Variants in EDIL3 observed in about 807,000 individuals in gnomAD.
EDIL3 encodes the protein EGF like and discoidin domains 3, also known as EGF-like repeat and discoidin I-like domain-containing protein 3.
In EDIL3, 37 loss-of-function variants were observed where a neutral mutation model predicts 67.4. The ratio of observed to expected loss-of-function variants is 0.55; its 90% CI spans 0.42 to 0.72. The LOEUF is 0.72. EDIL3 is among the 30% of genes least tolerant of loss of function. The probability of loss-of-function intolerance (pLI) is 0.00; values close to 1 mark genes in which losing one functional copy is unlikely to be tolerated. For missense variants in EDIL3, 527 were observed against 586.3 expected, an observed-to-expected ratio of 0.90 and a Z score of 1.04; for synonymous variants, 195 against 196.3, an observed-to-expected ratio of 0.99 and a Z score of 0.05.
At chr5:84,275,883 T>C (rs1745575040) in intron 1 of EDIL3, among the ~76,000 whole-genome samples, 1 of 152,190 alleles carries the variant, frequency 6.6e-6, no homozygotes, top group Admixed American at 6.5e-5. Context: ...GCATCAACAT[T>C]TTTCTTGTCA....
intron 1 of EDIL3, among the ~76,000 whole-genome samples, chr5:84,348,080 G>C (rs527750858): frequency 3.8e-4 from 58 of 152,298 alleles, no homozygotes; most frequent in African/African-American, 1.3e-3. Context: ...GTCCATGAAA[G>C]GAAACACAGT....
intron 1 of EDIL3, among the ~76,000 whole-genome samples, chr5:84,299,263 G>T (rs774870826): frequency 1.3e-5 from 2 of 152,110 alleles, no homozygotes; most frequent in Non-Finnish European, 2.9e-5. Flanking sequence ...GGCTAATATC[G>T]AAAGAAGGAG....
chr5:84,199,233 T>G (rs1416812392), intron 3 of EDIL3, among the ~76,000 whole-genome samples: 2 of 152,034 alleles, frequency 1.3e-5, no homozygotes, highest in African/African-American at 4.8e-5. Context: ...GCCTTTGTCC[T>G]ATTTTCCTTT....
intron 2 of EDIL3, 138 bp from the exon 3 acceptor site, chr5:84,230,022 GCCCC>G: frequency 1.4e-6 from 1 of 720,248 alleles, no homozygotes; most frequent in Non-Finnish European, 2.2e-6. Context: ...CTAACTACAA[GCCCC>G]TGACTTGTAA....
At chr5:84,252,493 C>CAAA (rs70975548) in intron 2 of EDIL3, among the ~76,000 whole-genome samples, 363 of 28,942 alleles carry the variant, frequency 0.013, 64 homozygotes, top group African/African-American at 0.027. Flanking sequence ...GACTCCGTCT[C>CAAA]AAAAAAAAAA....
rs1420117752 is a variant in EDIL3, at chr5:84,132,555, T to TTAA, written c.469+4685_469+4686insTTA. Among the ~76,000 whole-genome samples the TTAA allele has an allele frequency of 6.0e-4, 56 of 93,806 alleles. 1 individual carries two copies. In the East Asian group the frequency reaches 0.013, roughly 22 times the overall value. 61.5% of individuals were successfully genotyped at this position (93,806 alleles called of 152,430 possible). ...ATATATTTTATATATAATATATATT[T>TTAA]TATATATTTTTAATATATAATATAT... On this transcript the variant is annotated intron_variant, in intron 5 of 10. Coordinates refer to ENST00000296591, the MANE Select transcript of EDIL3 (RefSeq NM_005711.5).
chr5:84,268,666 G>A (rs917476410), intron 1 of EDIL3, among the ~76,000 whole-genome samples: 10 of 151,954 alleles, frequency 6.6e-5, no homozygotes, highest in African/African-American at 1.7e-4. Context: ...GATGATTCAC[G>A]CACTTTTATT....
At chr5:84,170,913 G>A (rs1748801173) in intron 4 of EDIL3, among the ~76,000 whole-genome samples, 1 of 151,936 alleles carries the variant, frequency 6.6e-6, no homozygotes, top group South Asian at 2.1e-4. Context: ...TCCTGCCTCA[G>A]CCTCCAGAGT....
intron 1 of EDIL3, among the ~76,000 whole-genome samples, chr5:84,377,867 A>G (rs901957667): frequency 6.6e-6 from 1 of 152,228 alleles, no homozygotes; most frequent in Non-Finnish European, 1.5e-5. Flanking sequence ...TTTAGTGCTT[A>G]AAAAGCCGTC....
intron 9 of EDIL3, among the ~76,000 whole-genome samples, chr5:84,042,431 G>A (rs774519126): frequency 1.3e-5 from 2 of 151,836 alleles, no homozygotes; most frequent in Non-Finnish European, 2.9e-5. Context: ...ACAGGTGCCC[G>A]CCACCATGCC....
At chr5:84,241,116 ATAAT>A (rs1018736246) in intron 2 of EDIL3, among the ~76,000 whole-genome samples, 2 of 152,170 alleles carry the variant, frequency 1.3e-5, no homozygotes, top group African/African-American at 4.8e-5. Context: ...CCCTCTTATG[ATAAT>A]TATTTTCTGC....
chr5:84,259,535 C>A (rs1745186427), intron 1 of EDIL3, among the ~76,000 whole-genome samples: 2 of 152,156 alleles, frequency 1.3e-5, no homozygotes, highest in Non-Finnish European at 2.9e-5. Context: ...AAATTAAGCT[C>A]ATGCCGATTT....
chr5:84,148,857 T>G (rs1748333231), intron 4 of EDIL3, among the ~76,000 whole-genome samples: 1 of 152,066 alleles, frequency 6.6e-6, no homozygotes, highest in Non-Finnish European at 1.5e-5. Flanking sequence ...GCATATTTTC[T>G]TCATTAAAAG....
At chr5:84,219,133 C>T (rs1031870878) in intron 3 of EDIL3, among the ~76,000 whole-genome samples, 2 of 152,126 alleles carry the variant, frequency 1.3e-5, no homozygotes, top group East Asian at 1.9e-4. Context: ...CACCCCCTCC[C>T]CCAGCTCCAG....
At chr5:84,196,832 C>CTAT (rs1457172710) in intron 3 of EDIL3, 1 of 151,884 alleles carries the variant, frequency 6.6e-6, no homozygotes, top group Non-Finnish European at 1.5e-5. Flanking sequence ...TCCCATTGAC[C>CTAT]TATAAAATAA....
At chr5:84,159,685 T>A (rs1293606372) in intron 4 of EDIL3, among the ~76,000 whole-genome samples, 3 of 151,964 alleles carry the variant, frequency 2.0e-5, no homozygotes, top group Admixed American at 6.6e-5. Context: ...ATAGGAAACA[T>A]AAATTTTAAA....
chr5:84,227,464 TACTC>T (rs754955096), intron 3 of EDIL3, among the ~76,000 whole-genome samples: 3 of 152,086 alleles, frequency 2.0e-5, no homozygotes, highest in Non-Finnish European at 4.4e-5. Flanking sequence ...AGGGAACACT[TACTC>T]ACTGTTGGTG....
At chr5:83,959,210 T>TAC (rs1321707619) in intron 10 of EDIL3, among the ~76,000 whole-genome samples, 3 of 147,788 alleles carry the variant, frequency 2.0e-5, no homozygotes, top group Non-Finnish European at 3.0e-5. Flanking sequence ...TATATATATA[T>TAC]ACATTATATA....
intron 4 of EDIL3, among the ~76,000 whole-genome samples, chr5:84,155,637 T>C (rs1234530462): frequency 6.6e-6 from 1 of 152,228 alleles, no homozygotes; most frequent in Non-Finnish European, 1.5e-5. Flanking sequence ...ATCTAAGTTT[T>C]GGAATATTTC....
Sources: allele counts gnomAD v4.1 joint callset (sites outside exome capture counted in the v4.1 genomes callset), GRCh38; gene constraint gnomAD v4.1.1; transcripts MANE v1.5; gene names NCBI Gene and HGNC (gene_info 2026-07-23, HGNC 2026-07-21).